The following MPZL1 variants were observed in gnomAD, a reference collection of about 807,000 sequenced individuals.
MPZL1 encodes the protein myelin protein zero like 1, also known as myelin protein zero-like protein 1.
In MPZL1, 16 loss-of-function variants were observed where a neutral mutation model predicts 29.3. That is an observed-to-expected ratio of 0.55 (90% CI 0.37 to 0.83). The LOEUF is 0.83. Among genes scored for constraint, MPZL1 ranks in the 40% least tolerant of loss-of-function variants. The pLI is 0.00. For synonymous variants in MPZL1, 143 were observed against 132.0 expected (o/e 1.08, Z -0.57); for missense variants, 279 against 332.9 (o/e 0.84, Z 1.26).
At chr1:167,731,612 A>AT (rs1339751165) in intron 1 of MPZL1, among the ~76,000 whole-genome samples, 1 of 151,582 alleles carries the variant, frequency 6.6e-6, no homozygotes, top group African/African-American at 2.4e-5. Flanking sequence ...AATTTTTTGT[A>AT]TTTTTTCAGT....
chr1:167,780,570 A>G (rs1661477690), intron 5 of MPZL1, among the ~76,000 whole-genome samples: 1 of 152,300 alleles, frequency 6.6e-6, no homozygotes, highest in South Asian at 2.1e-4. Flanking sequence ...TGTCTTTAAA[A>G]GGAAAGAAAT....
intron 1 of MPZL1, among the ~76,000 whole-genome samples, chr1:167,762,373 G>T (rs539238165): frequency 5.1e-4 from 77 of 152,322 alleles, no homozygotes; most frequent in African/African-American, 1.8e-3. Flanking sequence ...AACAAAGAAT[G>T]AACTGCGAAT....
intron 5 of MPZL1, 25 bp downstream of exon 5, chr1:167,776,191 C>G (rs533015095): frequency 6.5e-7 from 1 of 1,538,530 alleles, no homozygotes; most frequent in South Asian, 1.1e-5. Context: ...CGATTCTGCC[C>G]ACTGCACTGT....
intron 4 of MPZL1, 139 bp downstream of exon 4, chr1:167,773,507 G>A: frequency 8.5e-6 from 8 of 941,898 alleles, no homozygotes; most frequent in Non-Finnish European, 1.2e-5. Context: ...GTCTCCTTAG[G>A]AGGTGTTCTA....
At chr1:167,750,103 T>C (rs1660725263) in intron 1 of MPZL1, among the ~76,000 whole-genome samples, 1 of 152,240 alleles carries the variant, frequency 6.6e-6, no homozygotes, top group African/African-American at 2.4e-5. Flanking sequence ...TTTATTTTGA[T>C]ATAATTTCTC....
intron 1 of MPZL1, among the ~76,000 whole-genome samples, chr1:167,748,691 C>G (rs1235607296): frequency 6.6e-6 from 1 of 151,978 alleles, no homozygotes; most frequent in Non-Finnish European, 1.5e-5. Flanking sequence ...AAACCATTGC[C>G]TAATACAAGA....
Position 167,767,468 on chromosome 1 carries a change from A to G in MPZL1, c.258+1719A>G, listed in dbSNP as rs565484334. Reference sequence around the variant, plus strand: ...GTCGTGTAGGTCCATGAAGGTTTACATAACTCAAAACTTAATATTAAGAAC... The same window carrying G: ...GTCGTGTAGGTCCATGAAGGTTTACGTAACTCAAAACTTAATATTAAGAAC... On this transcript the variant is annotated intron_variant, in intron 2 of 5. Transcript: ENST00000359523. Among the ~76,000 whole-genome samples the G allele has an allele frequency of 1.2e-4, 18 of 152,122 alleles. No homozygotes were observed. The South Asian group carries it at 3.5e-3, about 30-fold the overall frequency.
intron 1 of MPZL1, among the ~76,000 whole-genome samples, chr1:167,741,837 G>A (rs58842194): frequency 0.57 from 86,820 of 151,764 alleles, 25,499 homozygotes; most frequent in African/African-American, 0.69. Flanking sequence ...GTTCAAGACC[G>A]GCCTGGGCAA....
chr1:167,749,856 A>G (rs951950110), intron 1 of MPZL1, among the ~76,000 whole-genome samples: 3 of 152,252 alleles, frequency 2.0e-5, no homozygotes, highest in Admixed American at 2.0e-4. Flanking sequence ...GCAAGCTGCA[A>G]TCAGCAGTGG....
chr1:167,763,352 C>T lies in MPZL1; in HGVS notation c.92-2231C>T, dbSNP rs553890225. Among the ~76,000 whole-genome samples the T allele has an allele frequency of 1.1e-4, 16 of 152,084 alleles. No homozygotes were observed. In the East Asian group the frequency reaches 3.1e-3, roughly 29 times the overall value. On this transcript the variant is annotated intron_variant, in intron 1 of 5. Transcript: ENST00000359523. ...GCAACATGGTGAAACCCCGTCTCTA[C>T]TAAAAATACAAAAATTAGCTGGGCG... is the stretch of plus-strand genomic sequence containing the variant.
At chr1:167,722,858 C>T (rs1387818290) in intron 1 of MPZL1, among the ~76,000 whole-genome samples, 1 of 152,130 alleles carries the variant, frequency 6.6e-6, no homozygotes. Flanking sequence ...ATGCAAAGAG[C>T]TTGGAATACC....
chr1:167,785,356 A>G (rs1018466207), intron 5 of MPZL1, among the ~76,000 whole-genome samples: 6 of 152,192 alleles, frequency 3.9e-5, no homozygotes, highest in Admixed American at 1.3e-4. Flanking sequence ...GCTTCTTCAC[A>G]TGGTAGTGGT....
intron 1 of MPZL1, among the ~76,000 whole-genome samples, chr1:167,744,638 C>T (rs975006481): frequency 1.1e-4 from 17 of 149,180 alleles, no homozygotes; most frequent in Non-Finnish European, 1.8e-4. Context: ...GAGCCGAGAT[C>T]GCACCACTTC....
At chr1:167,751,020 C>A (rs1253198970) in intron 1 of MPZL1, among the ~76,000 whole-genome samples, 1 of 152,192 alleles carries the variant, frequency 6.6e-6, no homozygotes, top group Non-Finnish European at 1.5e-5. Context: ...ATGTTCTGTT[C>A]TTCTCAGTAC....
At chr1:167,787,782 G>T (rs750375314) in intron 5 of MPZL1, 38 bp from the exon 6 acceptor site, 1 of 1,509,964 alleles carries the variant, frequency 6.6e-7, no homozygotes, top group Non-Finnish European at 9.2e-7. Flanking sequence ...AACCGCCAGC[G>T]TTTTCAGTCC....
intron 1 of MPZL1, among the ~76,000 whole-genome samples, chr1:167,755,899 G>A (rs1159534033): frequency 6.6e-6 from 1 of 152,162 alleles, no homozygotes; most frequent in Non-Finnish European, 1.5e-5. Context: ...GAGACCATTT[G>A]CAGGAGAGAG....
chr1:167,745,680 G>T (rs1472761396), intron 1 of MPZL1, among the ~76,000 whole-genome samples: 3 of 151,822 alleles, frequency 2.0e-5, no homozygotes, highest in African/African-American at 7.3e-5. Context: ...TAATAAATAG[G>T]ACTCATTTTA....
At chr1:167,734,941 C>T (rs1221553650) in intron 1 of MPZL1, among the ~76,000 whole-genome samples, 4 of 152,230 alleles carry the variant, frequency 2.6e-5, no homozygotes. Flanking sequence ...AATGCCCTCA[C>T]TTTAGTAGCA....
At chr1:167,733,463 G>A (rs751757367) in intron 1 of MPZL1, among the ~76,000 whole-genome samples, 17 of 152,208 alleles carry the variant, frequency 1.1e-4, no homozygotes, top group Non-Finnish European at 2.2e-4. Flanking sequence ...TGTGTCCTCT[G>A]GCTGGGCCTG....
Sources: allele counts gnomAD v4.1 joint callset (sites outside exome capture counted in the v4.1 genomes callset), GRCh38; gene constraint gnomAD v4.1.1; transcripts MANE v1.5; gene names NCBI Gene and HGNC (gene_info 2026-07-23, HGNC 2026-07-21).